The following SHISA9 variants were observed in gnomAD, a reference collection of about 807,000 sequenced individuals.
SHISA9 encodes protein shisa-9.
Under a neutral mutation model 38.0 loss-of-function variants are expected in SHISA9, and 13 were observed. The observed-to-expected ratio is 0.34, with a 90% CI of 0.22 to 0.54. SHISA9 has a LOEUF of 0.54. Ranked by LOEUF, SHISA9 falls within the 20% of genes least tolerant of loss-of-function variation. The probability of loss-of-function intolerance (pLI) is 0.91; values close to 1 mark genes in which losing one functional copy is unlikely to be tolerated. For synonymous variants in SHISA9, 275 were observed against 242.0 expected (o/e 1.14, Z -1.27); for missense variants, 538 against 575.8 (o/e 0.93, Z 0.67).
the SHISA9 span, among the ~76,000 whole-genome samples, chr16:13,248,946 G>A: frequency 5.3e-5 from 8 of 152,292 alleles, no homozygotes; most frequent in African/African-American, 1.9e-4. Flanking sequence ...AAGCAAGGGA[G>A]CAGGGCTTTC....
intron 2 of SHISA9, among the ~76,000 whole-genome samples, chr16:13,118,495 T>C (rs2074052886): frequency 6.6e-6 from 1 of 152,160 alleles, no homozygotes; most frequent in South Asian, 2.1e-4. Context: ...GAAGGTCAGA[T>C]AGCCACCTAG....
At chr16:13,083,179 CCTT>C (rs1263934941) in intron 2 of SHISA9, among the ~76,000 whole-genome samples, 5 of 152,290 alleles carry the variant, frequency 3.3e-5, no homozygotes, top group African/African-American at 1.2e-4. Context: ...CACTATTTCT[CCTT>C]CTCTGTTTCT....
intron 2 of SHISA9, among the ~76,000 whole-genome samples, chr16:13,043,120 A>T (rs1428844952): frequency 6.6e-6 from 1 of 152,202 alleles, no homozygotes; most frequent in Non-Finnish European, 1.5e-5. Flanking sequence ...AGGACCCAGG[A>T]TGATGGAGGA....
intron 2 of SHISA9, among the ~76,000 whole-genome samples, chr16:13,158,070 A>C (rs1174595785): frequency 2.0e-5 from 3 of 152,018 alleles, no homozygotes; most frequent in East Asian, 3.9e-4. Context: ...AAGAACCGGA[A>C]CCTTGGGGCC....
the SHISA9 span, among the ~76,000 whole-genome samples, chr16:13,352,509 A>G: frequency 6.6e-6 from 1 of 152,078 alleles, no homozygotes; most frequent in Non-Finnish European, 1.5e-5. Context: ...TTGTTACAAT[A>G]TAAGCAGGAT....
chr16:13,535,217 G>C, the SHISA9 span, among the ~76,000 whole-genome samples: 1 of 152,326 alleles, frequency 6.6e-6, no homozygotes, highest in South Asian at 2.1e-4. Flanking sequence ...CTGCACTCCA[G>C]CCTGGGTAAC....
the SHISA9 span, among the ~76,000 whole-genome samples, chr16:13,503,973 GC>G: frequency 6.6e-6 from 1 of 151,964 alleles, no homozygotes; most frequent in Non-Finnish European, 1.5e-5. Context: ...AAGAAGGAAG[GC>G]TCCCCCTCAG....
chr16:13,062,856 A>C (rs889681123), intron 2 of SHISA9, among the ~76,000 whole-genome samples: 1 of 151,788 alleles, frequency 6.6e-6, no homozygotes, highest in South Asian at 2.1e-4. Context: ...TAAGTTGTGC[A>C]CCCAAGGAAA....
At chr16:13,124,526 C>T (rs187650645) in intron 2 of SHISA9, among the ~76,000 whole-genome samples, 33 of 152,224 alleles carry the variant, frequency 2.2e-4, no homozygotes, top group Non-Finnish European at 1.2e-4. Flanking sequence ...GATGGGCACA[C>T]CTTGGACTCT....
intron 2 of SHISA9, among the ~76,000 whole-genome samples, chr16:13,123,170 C>T (rs2050228667): frequency 6.6e-6 from 1 of 151,520 alleles, no homozygotes; most frequent in South Asian, 2.1e-4. Flanking sequence ...GGGTCCAAAT[C>T]TTCCTGAGGA....
intron 2 of SHISA9, among the ~76,000 whole-genome samples, chr16:13,104,185 A>G (rs2073905142): frequency 6.6e-6 from 1 of 152,122 alleles, no homozygotes; most frequent in Non-Finnish European, 1.5e-5. Flanking sequence ...ATTCTCAGTC[A>G]TGTCTGAATT....
At chr16:13,072,698 T>C (rs1470656180) in intron 2 of SHISA9, among the ~76,000 whole-genome samples, 1 of 151,996 alleles carries the variant, frequency 6.6e-6, no homozygotes, top group Non-Finnish European at 1.5e-5. Context: ...TCTTGCTCTG[T>C]CACCCAGGCT....
intron 2 of SHISA9, among the ~76,000 whole-genome samples, chr16:12,925,393 A>G (rs1013576711): frequency 2.7e-5 from 4 of 150,054 alleles, no homozygotes; most frequent in South Asian, 2.1e-4. Context: ...AAGAATCTGT[A>G]TGGTCCCCAG....
chr16:13,361,915 T>C, the SHISA9 span, among the ~76,000 whole-genome samples: 1 of 152,330 alleles, frequency 6.6e-6, no homozygotes, highest in Non-Finnish European at 1.5e-5. Context: ...TTGTTCATTA[T>C]CCTTTGTCAT....
the SHISA9 span, chr16:13,332,095 G>GAA: frequency 5.9e-5 from 9 of 151,944 alleles, no homozygotes; most frequent in African/African-American, 2.2e-4. Context: ...GGTGACACAG[G>GAA]AAAAAAACAC....
the SHISA9 span, among the ~76,000 whole-genome samples, chr16:13,428,293 AAGAG>A: frequency 6.0e-5 from 9 of 150,982 alleles, no homozygotes; most frequent in South Asian, 8.4e-4. Flanking sequence ...AAAACAAAGA[AAGAG>A]AGAGAGAGAG....
At chr16:13,358,882 T>C in the SHISA9 span, among the ~76,000 whole-genome samples, 2 of 152,178 alleles carry the variant, frequency 1.3e-5, no homozygotes, top group Non-Finnish European at 2.9e-5. Flanking sequence ...CAAATAGTGT[T>C]AGAAGGACCT....
chr16:13,163,924 T>C (rs973841357), intron 2 of SHISA9, among the ~76,000 whole-genome samples: 1 of 152,052 alleles, frequency 6.6e-6, no homozygotes, highest in East Asian at 1.9e-4. Context: ...CATCTGCAAA[T>C]AAACACAGTA....
intron 2 of SHISA9, among the ~76,000 whole-genome samples, chr16:13,171,989 A>G (rs1451259096): frequency 6.6e-6 from 1 of 152,084 alleles, no homozygotes; most frequent in Non-Finnish European, 1.5e-5. Flanking sequence ...GCTTATCCCT[A>G]GTGTTTGGTA....
Sources: gnomAD v4.1 joint callset for allele counts (sites outside exome capture counted in the v4.1 genomes callset) on GRCh38, gnomAD v4.1.1 for gene constraint, MANE v1.5 for transcripts, NCBI Gene and HGNC (gene_info 2026-07-23, HGNC 2026-07-21) for gene names.